TRIM47: variants seen among roughly 807,000 people sequenced by gnomAD.
TRIM47 encodes the protein tripartite motif containing 47, also known as E3 ubiquitin-protein ligase TRIM47.
Under a neutral mutation model 54.4 loss-of-function variants are expected in TRIM47, and 46 were observed. The ratio of observed to expected loss-of-function variants is 0.84; its 90% CI spans 0.67 to 1.08. The LOEUF (loss-of-function observed/expected upper bound fraction) is 1.08, where lower values mean the gene tolerates loss of function less well. Ranked by LOEUF, TRIM47 falls within the 50% of genes least tolerant of loss-of-function variation. The pLI is 0.00. For synonymous variants in TRIM47, 392 were observed against 410.2 expected (o/e 0.96, Z 0.54); for missense variants, 825 against 910.1 (o/e 0.91, Z 1.20).
intron 1 of TRIM47, 23 bp downstream of exon 1, chr17:75,877,851 C>A: frequency 7.6e-7 from 1 of 1,309,768 alleles, no homozygotes; most frequent in Non-Finnish European, 9.7e-7. Context: ...CCCGGCTCAC[C>A]CGAGTGTGCC....
chr17:75,874,917 T>G lies in TRIM47; in HGVS notation c.1483A>C (p.Met495Leu). Reference sequence around the variant, plus strand: ...GAGAAGTCTTCGGCCATGACCCCCATGCTGACCCAGCCCTCGATAATCTCC... The same window carrying G: ...GAGAAGTCTTCGGCCATGACCCCCAGGCTGACCCAGCCCTCGATAATCTCC... ...EVEIIEGWVS[M>L]GVMAEDFSPQ... The change falls in exon 6 of 6, where the codon ATG becomes CTG. Residue 495 changes from methionine (M) to leucine (L), a missense_variant. Coordinates refer to ENST00000254816, the MANE Select transcript of TRIM47 (RefSeq NM_033452.3). The surrounding 1 kb of genome is among the most constrained non-coding windows in gnomAD (Gnocchi z 6.2). The G allele has an allele frequency of 6.2e-7, 1 of 1,612,622 alleles. No individual in the cohort carries two copies. The highest frequency in any genetic ancestry group is 8.5e-7 in the Non-Finnish European group (1 of 1,179,284).
At position 75,878,240 on chromosome 17, in the gene TRIM47, G is replaced by T; in HGVS notation, c.309C>A (p.Ser103Arg). 4.9e-6 allele frequency: 6 copies of T among 1,234,362 alleles called. No individual in the cohort carries two copies. The highest frequency in any genetic ancestry group is 5.1e-6 in the Non-Finnish European group (5 of 988,984). The allele number at this position is 1,234,362 out of a possible 1,614,324, so 76.5% of individuals were successfully genotyped here. A position where few individuals can be genotyped will look rare whatever the true frequency, so the allele number is the denominator to read the frequency against. The change falls in exon 1 of 6, where the codon AGC (serine) becomes AGA (arginine). Residue 103 changes from serine (S) to arginine (R), a missense_variant. Ser to Arg is a moderately radical substitution (Grantham distance 110). Coordinates refer to ENST00000254816, the MANE Select transcript of TRIM47 (RefSeq NM_033452.3). ...PALAPEPSAPSALPSVPEPSA... is the reference protein window; with the variant it reads ...PALAPEPSAPRALPSVPEPSA... ...ACGGCTCCGGGACACTGGGCAGCGC[G>T]CTGGGTGCCGAGGGCTCCGGGGCCA...
Position 75,875,247 on chromosome 17 carries a change from G to C in TRIM47, c.1277-124C>G, listed in dbSNP as rs532481267. 9.4e-6 allele frequency: 12 copies of C among 1,274,656 alleles called. No individual in the cohort carries two copies. The African/African-American group carries it at 1.9e-4, about 20-fold the overall frequency. 79.0% of individuals were successfully genotyped at this position (1,274,656 alleles called of 1,614,324 possible). ...CCTGCTTTCCAACCGGCACAACCCA[G>C]CCCCGCCGGGGACCACCCCAGGAGC... On this transcript the variant is annotated intron_variant, in intron 5 of 5. Coordinates refer to ENST00000254816, the MANE Select transcript of TRIM47 (RefSeq NM_033452.3). The surrounding 1 kb of genome is among the most constrained non-coding windows in gnomAD (Gnocchi z 6.1).
chr17:75,875,898 C>T lies in TRIM47; in HGVS notation c.1201+3G>A. On this transcript the variant is annotated splice_donor_region_variant and intron_variant, in intron 4 of 5. Transcript: ENST00000254816. The surrounding 1 kb of genome is among the most constrained non-coding windows in gnomAD (Gnocchi z 6.1). ...CATCGGGGGGGCGTGGGGCGGTGCC[C>T]ACCTTCCGAGTCCAGCTTCTGTGGC... The T allele has an allele frequency of 6.2e-7, 1 of 1,610,952 alleles. No individual in the cohort carries two copies. Among genetic ancestry groups the T allele is most frequent in the Non-Finnish European group, 8.5e-7 (1 of 1,179,422 alleles).
At position 75,878,081 on chromosome 17, in the gene TRIM47, CAG is replaced by C; in HGVS notation, c.466_467del (p.Leu156GlyfsTer71). 1 of 1,339,470 alleles carries C rather than the reference CAG, an allele frequency of 7.5e-7. No individual in the cohort carries two copies. Among genetic ancestry groups the C allele is most frequent in the Non-Finnish European group, 9.5e-7 (1 of 1,049,742 alleles). The allele number at this position is 1,339,470 out of a possible 1,614,324, so 83.0% of individuals were successfully genotyped here. A position where few individuals can be genotyped will look rare whatever the true frequency, so the allele number is the denominator to read the frequency against. On this transcript the variant is annotated frameshift_variant, in exon 1 of 6. Coordinates refer to ENST00000254816, the MANE Select transcript of TRIM47 (RefSeq NM_033452.3). LOFTEE classifies it high-confidence loss of function. ...GGGCGGGGCTGCGCTCGTGCGGGCC[CAG>C]GTGCGCGGGGCAAAAGGAGGCGAGG... ...SCLASFCPAHLGPHERSPALR... is the reference protein window; with the variant it reads ...SCLASFCPAHXGPHERSPALR...
Position 75,874,853 on chromosome 17 carries a change from T to C in TRIM47, c.1547A>G (p.Asn516Ser). ...CCACTGCAGGCAGCAGGAGTGGGCG[T>C]TGCGGCCCAGCCGGCCGCGGTCGTA... is the stretch of plus-strand genomic sequence containing the variant. ...EPYDRGRLGR[N>S]AHSCCLQWNG... Residue 516 changes from asparagine (N) to serine (S), a missense_variant, in exon 6 of 6, where the codon AAC becomes AGC. Coordinates refer to ENST00000254816, the MANE Select transcript of TRIM47 (RefSeq NM_033452.3). This position sits in a 1 kb window ranked among gnomAD's most constrained non-coding sequence, Gnocchi z 6.2. 6.2e-7 allele frequency: 1 copy of C among 1,614,078 alleles called. No individual in the cohort carries two copies. Among genetic ancestry groups the C allele is most frequent in the Non-Finnish European group, 8.5e-7 (1 of 1,179,996 alleles).
In TRIM47 at chr17:75,874,459, C is replaced by T; in HGVS notation, c.*24G>A. On this transcript the variant is annotated 3_prime_UTR_variant, in exon 6 of 6. Transcript: ENST00000254816. This position sits in a 1 kb window ranked among gnomAD's most constrained non-coding sequence, Gnocchi z 6.2. Reference sequence around the variant, plus strand: ...AGGCAGCTTCCTGGAGCAGAGACGGCAGCAGGAGCGCCCGTGCCCGGCATC... The same window carrying T: ...AGGCAGCTTCCTGGAGCAGAGACGGTAGCAGGAGCGCCCGTGCCCGGCATC... 4 of 1,487,686 alleles carry T rather than the reference C, an allele frequency of 2.7e-6. No individual in the cohort carries two copies. Among genetic ancestry groups the T allele is most frequent in the Non-Finnish European group, 3.6e-6 (4 of 1,119,166 alleles). The allele number at this position is 1,487,686 out of a possible 1,614,324, so 92.2% of individuals were successfully genotyped here.
chr17:75,874,647 TGCCACCCCGGCGGGGCCGGGAG>T lies in TRIM47; in HGVS notation c.1731_1752del (p.Arg581ProfsTer48), dbSNP rs760205553. On this transcript the variant is annotated frameshift_variant, in exon 6 of 6. Coordinates refer to ENST00000254816, the MANE Select transcript of TRIM47 (RefSeq NM_033452.3). LOFTEE classifies it high-confidence loss of function. The surrounding 1 kb of genome is among the most constrained non-coding windows in gnomAD (Gnocchi z 6.2). ...AAGGGGTCAATGGGGGAGGCCGGGA[TGCCACCCCGGCGGGGCCGGGAG>T]GCCTTCAGCCTCCGCAGGAGGCTCA... The T allele has an allele frequency of 1.1e-5, 17 of 1,591,010 alleles. No individual in the cohort carries two copies. The East Asian group carries it at 1.3e-4, about 13-fold the overall frequency.
In TRIM47 at chr17:75,874,324, G is replaced by A; in HGVS notation, c.*159C>T. The stretch of plus-strand genomic sequence containing the variant: ...ACAGGGTCTGGGGGTCCTCCTGCCT[G>A]GGAGAGGGAAGGCTGAGTGTATAAA... On this transcript the variant is annotated 3_prime_UTR_variant, in exon 6 of 6. Coordinates refer to ENST00000254816, the MANE Select transcript of TRIM47 (RefSeq NM_033452.3). The surrounding 1 kb of genome is among the most constrained non-coding windows in gnomAD (Gnocchi z 6.2). 1.6e-6 allele frequency: 1 copy of A among 621,360 alleles called. No individual in the cohort carries two copies. 38.5% of individuals were successfully genotyped at this position (621,360 alleles called of 1,614,324 possible). A position where few individuals can be genotyped will look rare whatever the true frequency, so the allele number is the denominator to read the frequency against.
Position 75,878,358 on chromosome 17 carries a change from C to G in TRIM47, c.191G>C (p.Gly64Ala), listed in dbSNP as rs2065148689. ...CGTGTGGTTCTTGCGGAGCTGAAGG[C>G]CGTCGGGGAAGGGCTCCTGGCACAG... Reference protein sequence around the residue: ...CPLCQEPFPDGLQLRKNHTLS... With the variant: ...CPLCQEPFPDALQLRKNHTLS... Residue 64 changes from glycine to alanine, a missense_variant, in exon 1 of 6, where the codon GGC (glycine) becomes GCC (alanine). Coordinates refer to ENST00000254816, the MANE Select transcript of TRIM47 (RefSeq NM_033452.3). The G allele has an allele frequency of 7.4e-7, 1 of 1,359,296 alleles. No homozygotes were observed. Among genetic ancestry groups the G allele is most frequent in the Admixed American group, 3.2e-5 (1 of 31,612 alleles). 84.2% of individuals were successfully genotyped at this position (1,359,296 alleles called of 1,614,324 possible). A position where few individuals can be genotyped will look rare whatever the true frequency, so the allele number is the denominator to read the frequency against.
At chr17:75,877,672 C>T in intron 1 of TRIM47, 1 of 1,232,624 alleles carries the variant, frequency 8.1e-7, no homozygotes, top group Non-Finnish European at 1.0e-6. Flanking sequence ...GTCCTGTTCT[C>T]ACGTCCCTCC....
At chr17:75,877,530 C>A in intron 1 of TRIM47, 2 of 447,786 alleles carry the variant, frequency 4.5e-6, no homozygotes, top group Non-Finnish European at 6.7e-6. Context: ...TGAGCTGAGA[C>A]CGGCGTGACC....
rs947012028 is a variant in TRIM47, at chr17:75,874,749, A to C, written c.1651T>G (p.Cys551Gly). The C allele has an allele frequency of 1.2e-6, 2 of 1,614,054 alleles. No homozygotes were observed. Among genetic ancestry groups the C allele is most frequent in the Non-Finnish European group, 8.5e-7 (1 of 1,180,016 alleles). ...PHPFSPTVGVCLEYADRALAF... is the reference protein window; with the variant it reads ...PHPFSPTVGVGLEYADRALAF... ...AAGGCACGGTCAGCGTATTCCAGGCAGACCCCAACCGTGGGCGAGAAGGGG... is the reference window on the plus strand; with the variant it reads ...AAGGCACGGTCAGCGTATTCCAGGCCGACCCCAACCGTGGGCGAGAAGGGG... Residue 551 changes from cysteine to glycine, a missense_variant, in exon 6 of 6, where the codon TGC (cysteine) becomes GGC (glycine). Cys to Gly is a radical substitution (Grantham distance 159, BLOSUM62 -3). Coordinates refer to ENST00000254816, the MANE Select transcript of TRIM47 (RefSeq NM_033452.3). The surrounding 1 kb of genome is among the most constrained non-coding windows in gnomAD (Gnocchi z 6.2).
intron 1 of TRIM47, chr17:75,877,609 C>G: frequency 7.9e-6 from 9 of 1,144,962 alleles, no homozygotes; most frequent in Middle Eastern, 3.4e-4. Flanking sequence ...CCCGCCTACA[C>G]CCCCATAGAC....
chr17:75,877,782 C>T, intron 1 of TRIM47, 92 bp downstream of exon 1: 1 of 1,264,652 alleles, frequency 7.9e-7, no homozygotes, highest in Non-Finnish European at 1.0e-6. Flanking sequence ...TAAGACCCAA[C>T]CCGGGAAGAC....
rs1220141864 is a variant in TRIM47 at position 75,875,204 on chromosome 17, C to G, written c.1277-81G>C. 1.7e-5 allele frequency: 26 copies of G among 1,503,092 alleles called. No individual in the cohort carries two copies. Among genetic ancestry groups the G allele is most frequent in the Admixed American group, 4.1e-5 (2 of 48,600 alleles). The allele number at this position is 1,503,092 out of a possible 1,614,324, so 93.1% of individuals were successfully genotyped here. On this transcript the variant is annotated intron_variant, in intron 5 of 5. Coordinates refer to ENST00000254816, the MANE Select transcript of TRIM47 (RefSeq NM_033452.3). This position sits in a 1 kb window ranked among gnomAD's most constrained non-coding sequence, Gnocchi z 6.1. ...GGCCCCTCCCCAAGTACCCACCCCC[C>G]CAAAACACAGCCTCTCCCCTGCTTT...
rs569838204 is a variant in TRIM47, at chr17:75,875,195, C to T, written c.1277-72G>A. On this transcript the variant is annotated intron_variant, in intron 5 of 5. Transcript: ENST00000254816. The surrounding 1 kb of genome is among the most constrained non-coding windows in gnomAD (Gnocchi z 6.1). The stretch of plus-strand genomic sequence containing the variant: ...AGAGGGCACGGCCCCTCCCCAAGTA[C>T]CCACCCCCCCAAAACACAGCCTCTC... 2 of 1,459,766 alleles carry T rather than the reference C, an allele frequency of 1.4e-6. No individual in the cohort carries two copies. The highest frequency in any genetic ancestry group is 1.5e-5 in the African/African-American group (1 of 65,124). The allele number at this position is 1,459,766 out of a possible 1,614,324, so 90.4% of individuals were successfully genotyped here. A position where few individuals can be genotyped will look rare whatever the true frequency, so the allele number is the denominator to read the frequency against.
chr17:75,875,365 C>T lies in TRIM47; in HGVS notation c.1276+35G>A, dbSNP rs778059975. On this transcript the variant is annotated intron_variant, in intron 5 of 5. Transcript: ENST00000254816. The surrounding 1 kb of genome is among the most constrained non-coding windows in gnomAD (Gnocchi z 6.1). ...CCAGCCCAGCAGCCCTGGGAGGGCC[C>T]AGTGTGAGTGGAGGGGGCACGGGCG... The T allele has an allele frequency of 8.7e-6, 14 of 1,605,356 alleles. No homozygotes were observed. The South Asian group carries it at 1.5e-4, about 18-fold the overall frequency.
chr17:75,878,239 C>T lies in TRIM47; in HGVS notation c.310G>A (p.Ala104Thr). 1 of 1,234,378 alleles carries T rather than the reference C, an allele frequency of 8.1e-7. No homozygotes were observed. The highest frequency in any genetic ancestry group is 1.0e-6 in the Non-Finnish European group (1 of 988,962). The allele number at this position is 1,234,378 out of a possible 1,614,324, so 76.5% of individuals were successfully genotyped here. A position where few individuals can be genotyped will look rare whatever the true frequency, so the allele number is the denominator to read the frequency against. The change falls in exon 1 of 6, where the codon GCG becomes ACG. Residue 104 changes from alanine to threonine, a missense_variant. By Grantham distance (58) the Ala-to-Thr change is moderately conservative. Coordinates refer to ENST00000254816, the MANE Select transcript of TRIM47 (RefSeq NM_033452.3). ...ALAPEPSAPS[A>T]LPSVPEPSAP... ...GACGGCTCCGGGACACTGGGCAGCG[C>T]GCTGGGTGCCGAGGGCTCCGGGGCC...
Sources: allele counts gnomAD v4.1 joint callset, GRCh38; gene constraint gnomAD v4.1.1; non-coding constraint Gnocchi (gnomAD v3.1); transcripts MANE v1.5; gene names NCBI Gene and HGNC (gene_info 2026-07-23, HGNC 2026-07-21).